Variants in CCSER2 observed in about 807,000 individuals in gnomAD.
CCSER2 encodes the protein coiled-coil serine rich protein 2.
A neutral mutation model predicts 92.3 loss-of-function variants in CCSER2; 46 were observed. The observed-to-expected ratio is 0.50, with a 90% CI of 0.39 to 0.64. The LOEUF is 0.64. Among genes scored for constraint, CCSER2 ranks in the 30% least tolerant of loss-of-function variants. CCSER2 has a pLI of 0.00. For missense variants in CCSER2, 1,244 were observed against 1,238.9 expected (o/e 1.00, Z -0.06); for synonymous variants, 433 against 431.4 (o/e 1.00, Z -0.04).
intron 9 of CCSER2, among the ~76,000 whole-genome samples, chr10:84,506,112 C>G (rs773256224): frequency 6.8e-6 from 1 of 148,080 alleles, no homozygotes; most frequent in Non-Finnish European, 1.5e-5. Context: ...TAAATGCTTA[C>G]TTAAGTCCCT....
intron 9 of CCSER2, among the ~76,000 whole-genome samples, chr10:84,497,718 C>A (rs1032450046): frequency 6.6e-6 from 1 of 152,022 alleles, no homozygotes; most frequent in Non-Finnish European, 1.5e-5. Context: ...AAAACTCCTG[C>A]GAACTTATAG....
At chr10:84,466,086 A>G (rs1280766338) in intron 7 of CCSER2, among the ~76,000 whole-genome samples, 1 of 152,104 alleles carries the variant, frequency 6.6e-6, no homozygotes, top group South Asian at 2.1e-4. Flanking sequence ...TCCCTGCTCC[A>G]TTTCCTTCCA....
rs1416053252 is a variant in CCSER2, at chr10:84,515,331, G to C, written c.*1064G>C. The C allele has an allele frequency of 1.3e-5, 2 of 152,534 alleles. No individual in the cohort carries two copies. The highest frequency in any genetic ancestry group is 2.9e-5 in the Non-Finnish European group (2 of 68,018). The allele number at this position is 152,534 out of a possible 1,614,324, so 9.4% of individuals were successfully genotyped here. ...ATAGCAAAACAAGTTAAAATATTTTGAGAAAAATAACAAATTTAAATAAGA... is the reference window on the plus strand; with the variant it reads ...ATAGCAAAACAAGTTAAAATATTTTCAGAAAAATAACAAATTTAAATAAGA... On this transcript the variant is annotated 3_prime_UTR_variant, in exon 10 of 10. Coordinates refer to ENST00000372088, the MANE Select transcript of CCSER2 (RefSeq NM_001284240.2).
chr10:84,445,479 G>A (rs1844858752), intron 6 of CCSER2, among the ~76,000 whole-genome samples: 1 of 152,104 alleles, frequency 6.6e-6, no homozygotes, highest in Admixed American at 6.5e-5. Context: ...TCTATACCCT[G>A]TTTCAAAAAC....
intron 1 of CCSER2, among the ~76,000 whole-genome samples, chr10:84,367,708 T>C (rs1202548531): frequency 4.4e-5 from 4 of 90,330 alleles, no homozygotes; most frequent in South Asian, 6.7e-4. Context: ...TTTTCCTTGC[T>C]TTTTTTTTTT....
At chr10:84,401,354 G>A (rs1842107396) in intron 3 of CCSER2, among the ~76,000 whole-genome samples, 1 of 152,046 alleles carries the variant, frequency 6.6e-6, no homozygotes, top group Non-Finnish European at 1.5e-5. Flanking sequence ...CAGGGTTGAA[G>A]GAAAAAGATA....
chr10:84,367,523 T>C (rs1335291154), intron 1 of CCSER2, among the ~76,000 whole-genome samples: 1 of 151,966 alleles, frequency 6.6e-6, no homozygotes, highest in Non-Finnish European at 1.5e-5. Context: ...ACAACAGGTG[T>C]GTGCCACCAT....
At chr10:84,402,019 G>C (rs1842144240) in intron 3 of CCSER2, among the ~76,000 whole-genome samples, 1 of 152,172 alleles carries the variant, frequency 6.6e-6, no homozygotes, top group South Asian at 2.1e-4. Flanking sequence ...TGAACTTAAA[G>C]TGACCACACC....
chr10:84,498,842 C>G (rs959448189), intron 9 of CCSER2, among the ~76,000 whole-genome samples: 4 of 152,022 alleles, frequency 2.6e-5, no homozygotes, highest in Admixed American at 2.6e-4. Context: ...CAATATGGTT[C>G]CCTTTGTATA....
At chr10:84,443,560 C>T (rs1267244867) in intron 6 of CCSER2, among the ~76,000 whole-genome samples, 1 of 152,038 alleles carries the variant, frequency 6.6e-6, no homozygotes, top group East Asian at 1.9e-4. Context: ...TAAATTAGTT[C>T]AACCATTGTG....
intron 3 of CCSER2, among the ~76,000 whole-genome samples, chr10:84,376,125 A>C (rs1333434220): frequency 6.6e-6 from 1 of 152,118 alleles, no homozygotes; most frequent in African/African-American, 2.4e-5. Context: ...ATTCTGATGC[A>C]ATCTCCTAAT....
chr10:84,364,900 C>A (rs1351956652), intron 1 of CCSER2, among the ~76,000 whole-genome samples: 1 of 151,782 alleles, frequency 6.6e-6, no homozygotes, highest in African/African-American at 2.4e-5. Context: ...TGCCACCATG[C>A]CTGGCTAATT....
chr10:84,374,289 C>T lies in CCSER2; in HGVS notation c.1614+474C>T, dbSNP rs566224664. On this transcript the variant is annotated intron_variant, in intron 3 of 9. Coordinates refer to ENST00000372088, the MANE Select transcript of CCSER2 (RefSeq NM_001284240.2). ...TTGAGAAACCTTGGCCTGTGCTATA[C>T]TGAGGTAACATTGAAGTGCCAACTC... 2.6e-5 allele frequency among the ~76,000 whole-genome samples: 4 copies of T among 152,192 alleles called. No individual in the cohort carries two copies. The South Asian group carries it at 6.2e-4, about 24-fold the overall frequency.
At chr10:84,458,075 C>T (rs930614685) in intron 6 of CCSER2, among the ~76,000 whole-genome samples, 2 of 148,800 alleles carry the variant, frequency 1.3e-5, no homozygotes, top group Admixed American at 7.0e-5. Context: ...ATTTTTTTGC[C>T]ACCATTTTTT....
At chr10:84,457,619 T>C (rs1350068676) in intron 6 of CCSER2, among the ~76,000 whole-genome samples, 4 of 90,768 alleles carry the variant, frequency 4.4e-5, no homozygotes, top group Admixed American at 3.7e-4. Context: ...TATATAATTA[T>C]ATATTTATAT....
chr10:84,411,802 C>A (rs1004779901), intron 3 of CCSER2, among the ~76,000 whole-genome samples: 1 of 152,170 alleles, frequency 6.6e-6, no homozygotes, highest in South Asian at 2.1e-4. Context: ...CCTTTCATTT[C>A]TTTCTCTTGA....
At chr10:84,449,926 A>C (rs139752795) in intron 6 of CCSER2, among the ~76,000 whole-genome samples, 1 of 152,234 alleles carries the variant, frequency 6.6e-6, no homozygotes, top group East Asian at 1.9e-4. Context: ...TGCTAAGCAT[A>C]CTATGCTGAT....
Position 84,472,628 on chromosome 10 carries a change from T to C in CCSER2, c.2235+2170T>C, listed in dbSNP as rs369186706. Reference sequence around the variant, plus strand: ...AATAAAATTATTCTCATCAAAAATATTAGGATTGCAATAGTAAAATTAGAA... The same window carrying C: ...AATAAAATTATTCTCATCAAAAATACTAGGATTGCAATAGTAAAATTAGAA... On this transcript the variant is annotated intron_variant, in intron 8 of 9. Transcript: ENST00000372088. Among the ~76,000 whole-genome samples the C allele has an allele frequency of 5.9e-5, 9 of 152,210 alleles. No homozygotes were observed. The East Asian group carries it at 1.2e-3, about 20-fold the overall frequency.
At chr10:84,399,853 C>A (rs1027978941) in intron 3 of CCSER2, among the ~76,000 whole-genome samples, 6 of 146,222 alleles carry the variant, frequency 4.1e-5, no homozygotes, top group African/African-American at 7.5e-5. Context: ...ACCAGGCAAT[C>A]ACTTAACCCT....
Sources: allele counts gnomAD v4.1 joint callset (sites outside exome capture counted in the v4.1 genomes callset), GRCh38; gene constraint gnomAD v4.1.1; transcripts MANE v1.5; gene names NCBI Gene and HGNC (gene_info 2026-07-23, HGNC 2026-07-21).